Variants in MBD5 observed in about 807,000 individuals in gnomAD.
MBD5 encodes methyl-CpG-binding domain protein 5.
A neutral mutation model predicts 117.3 loss-of-function variants in MBD5; 13 were observed. The ratio of observed to expected loss-of-function variants is 0.11; its 90% confidence interval spans 0.07 to 0.18. The LOEUF (loss-of-function observed/expected upper bound fraction) is 0.18. Among genes scored for constraint, MBD5 ranks in the 10% least tolerant of loss-of-function variants. The probability of loss-of-function intolerance (pLI) is 1.00; values close to 1 mark genes in which losing one functional copy is unlikely to be tolerated. For missense variants in MBD5, 1,879 were observed against 2,093.8 expected, an observed-to-expected ratio of 0.90 and a Z score of 2.00; for synonymous variants, 727 against 766.4, an observed-to-expected ratio of 0.95 and a Z score of 0.85.
intron 4 of MBD5, among the ~76,000 whole-genome samples, chr2:148,369,205 C>A (rs1416779331): frequency 6.6e-6 from 1 of 151,006 alleles, no homozygotes; most frequent in Non-Finnish European, 1.5e-5. Context: ...GTAGTGGTTC[C>A]ATTTTTCAAA....
intron 1 of MBD5, among the ~76,000 whole-genome samples, chr2:148,091,521 G>A (rs1346178099): frequency 1.3e-5 from 2 of 152,056 alleles, no homozygotes; most frequent in Admixed American, 1.3e-4. Flanking sequence ...ACAGCCAACT[G>A]ATCTTCAACA....
At chr2:148,282,352 A>G (rs1701267309) in intron 3 of MBD5, among the ~76,000 whole-genome samples, 1 of 152,116 alleles carries the variant, frequency 6.6e-6, no homozygotes, top group Non-Finnish European at 1.5e-5. Context: ...ATACCAATTC[A>G]TGTTCTCATA....
Position 148,470,688 on chromosome 2 carries a change from CTG to C in MBD5, c.2518+231_2518+232del, listed in dbSNP as rs1680768549. On this transcript the variant is annotated intron_variant, in intron 8 of 13. Coordinates refer to ENST00000642680, the MANE Select transcript of MBD5 (RefSeq NM_001378120.1). Reference sequence around the variant, plus strand: ...TGTGTTTCCATTATTTGTTGTCAATCTGTGTCATTTTGAATATTGTTCGACTT... The same window carrying C: ...TGTGTTTCCATTATTTGTTGTCAATCTGTCATTTTGAATATTGTTCGACTT... 1.1e-5 allele frequency: 6 copies of C among 530,632 alleles called. No individual in the cohort carries two copies. The East Asian group carries it at 1.8e-4, about 16-fold the overall frequency. 32.9% of individuals were successfully genotyped at this position (530,632 alleles called of 1,614,324 possible). A position where few individuals can be genotyped will look rare whatever the true frequency, so the allele number is the denominator to read the frequency against.
chr2:148,090,403 G>A (rs1312008228), intron 1 of MBD5, among the ~76,000 whole-genome samples: 1 of 151,818 alleles, frequency 6.6e-6, no homozygotes, highest in African/African-American at 2.4e-5. Flanking sequence ...GAAAACCATA[G>A]GCCAATATCT....
At chr2:148,479,285 C>T (rs1399723449) in intron 8 of MBD5, among the ~76,000 whole-genome samples, 1 of 152,154 alleles carries the variant, frequency 6.6e-6, no homozygotes, top group East Asian at 1.9e-4. Context: ...TCCAATGTCC[C>T]TTATCTCCTG....
At chr2:148,327,911 G>A (rs1285158443) in intron 3 of MBD5, among the ~76,000 whole-genome samples, 3 of 152,160 alleles carry the variant, frequency 2.0e-5, no homozygotes, top group African/African-American at 7.2e-5. Context: ...GAGGAGGAGA[G>A]GCGCTCTGCT....
chr2:148,114,600 T>G (rs1696583555), intron 1 of MBD5, among the ~76,000 whole-genome samples: 1 of 152,218 alleles, frequency 6.6e-6, no homozygotes, highest in African/African-American at 2.4e-5. Flanking sequence ...GTGGCTGGTT[T>G]AAATACTGTC....
chr2:148,158,597 G>T (rs1223523351), intron 1 of MBD5, among the ~76,000 whole-genome samples: 2 of 152,176 alleles, frequency 1.3e-5, no homozygotes, highest in African/African-American at 4.8e-5. Context: ...ACTATAAATG[G>T]ATTAAGTATG....
chr2:148,265,118 G>A (rs544959555), intron 3 of MBD5: 1 of 151,900 alleles, frequency 6.6e-6, no homozygotes, highest in South Asian at 2.1e-4. Flanking sequence ...CCCAATGCCA[G>A]AGATTTCTCA....
chr2:148,278,186 T>C (rs1439816096), intron 3 of MBD5, among the ~76,000 whole-genome samples: 1 of 152,228 alleles, frequency 6.6e-6, no homozygotes, highest in African/African-American at 2.4e-5. Flanking sequence ...TATCATGTAT[T>C]TGAAGTTCAT....
At chr2:148,031,435 G>A (rs1484618252) in intron 1 of MBD5, among the ~76,000 whole-genome samples, 1 of 152,078 alleles carries the variant, frequency 6.6e-6, no homozygotes, top group African/African-American at 2.4e-5. Context: ...TTAGATACTA[G>A]TTTGTCACAG....
chr2:148,216,888 C>T (rs1021126202), intron 2 of MBD5, among the ~76,000 whole-genome samples: 2 of 152,172 alleles, frequency 1.3e-5, no homozygotes, highest in African/African-American at 4.8e-5. Flanking sequence ...GACCTTCATG[C>T]AGCCAGAAGC....
intron 4 of MBD5, among the ~76,000 whole-genome samples, chr2:148,373,081 T>G (rs1703899963): frequency 6.6e-6 from 1 of 152,148 alleles, no homozygotes; most frequent in South Asian, 2.1e-4. Context: ...AATTACGTTT[T>G]GATATGGCTA....
intron 1 of MBD5, among the ~76,000 whole-genome samples, chr2:148,134,382 G>T (rs927170397): frequency 1.3e-5 from 2 of 151,988 alleles, no homozygotes; most frequent in African/African-American, 4.8e-5. Flanking sequence ...TCACATAGCT[G>T]GGCTTTGCTT....
intron 3 of MBD5, among the ~76,000 whole-genome samples, chr2:148,327,963 T>G (rs2105012771): frequency 1.3e-5 from 2 of 152,198 alleles, no homozygotes; most frequent in Middle Eastern, 6.8e-3. Context: ...TTTCCCCATC[T>G]TTGTGGTTTT....
chr2:148,177,195 A>C (rs1047454350), intron 1 of MBD5, among the ~76,000 whole-genome samples: 12 of 152,210 alleles, frequency 7.9e-5, no homozygotes, highest in African/African-American at 2.9e-4. Flanking sequence ...AAACTCAAGA[A>C]GTATTTACAT....
chr2:148,162,292 C>T (rs1205355067), intron 1 of MBD5, among the ~76,000 whole-genome samples: 2 of 152,106 alleles, frequency 1.3e-5, no homozygotes, highest in African/African-American at 2.4e-5. Flanking sequence ...ATCATGTTCC[C>T]CACCCCCCTG....
chr2:148,243,381 G>A (rs1700263098), intron 3 of MBD5, among the ~76,000 whole-genome samples: 1 of 151,984 alleles, frequency 6.6e-6, no homozygotes, highest in Admixed American at 6.6e-5. Flanking sequence ...GCAATCACAT[G>A]TGCTAATGTA....
intron 4 of MBD5, among the ~76,000 whole-genome samples, chr2:148,435,295 A>G (rs964393094): frequency 1.1e-4 from 17 of 152,024 alleles, no homozygotes; most frequent in Admixed American, 2.6e-4. Flanking sequence ...ACATATCAAT[A>G]ATGTCATTGT....
Sources: allele counts gnomAD v4.1 joint callset (sites outside exome capture counted in the v4.1 genomes callset), GRCh38; gene constraint gnomAD v4.1.1; transcripts MANE v1.5; gene names NCBI Gene and HGNC (gene_info 2026-07-23, HGNC 2026-07-21).